Variants in ERC2 observed in about 807,000 individuals in gnomAD.
ERC2 encodes ELKS/RAB6-interacting/CAST family member 2.
ERC2 carries 42 observed loss-of-function variants against 114.8 expected under a neutral mutation model. That is an observed-to-expected ratio of 0.37 (90% CI 0.29 to 0.47). The LOEUF (loss-of-function observed/expected upper bound fraction) is 0.47, where lower values mean the gene tolerates loss of function less well. Among genes scored for constraint, ERC2 ranks in the 20% least tolerant of loss-of-function variants. ERC2 has a pLI of 0.99. For missense variants in ERC2, 939 were observed against 1,150.7 expected (o/e 0.82, Z 2.66); for synonymous variants, 454 against 425.5 (o/e 1.07, Z -0.82).
At position 55,699,521 on chromosome 3, in the gene ERC2, A is replaced by G. The variant is rs540148562; in HGVS notation, c.2713-9T>C. 6 of 1,591,414 alleles carry G rather than the reference A, an allele frequency of 3.8e-6. No individual in the cohort carries two copies. The South Asian group carries it at 5.6e-5, about 15-fold the overall frequency. On this transcript the variant is annotated splice_polypyrimidine_tract_variant and intron_variant, in intron 15 of 17. Transcript: ENST00000288221. ...TTCATTCTGTTCTGGGTCTGTGCAG[A>G]ACAAAAACCAAGGAAGATTCCATCA...
intron 4 of ERC2, among the ~76,000 whole-genome samples, chr3:56,155,403 T>C (rs1575612101): frequency 6.6e-6 from 1 of 151,678 alleles, no homozygotes; most frequent in Admixed American, 6.6e-5. Flanking sequence ...TGACTGGATG[T>C]GGCCTTCTTT....
chr3:56,043,795 C>A (rs1034186492), intron 7 of ERC2, among the ~76,000 whole-genome samples: 2 of 152,086 alleles, frequency 1.3e-5, no homozygotes, highest in Admixed American at 1.3e-4. Flanking sequence ...ATCTACAATT[C>A]AATTGCAACT....
intron 14 of ERC2, among the ~76,000 whole-genome samples, chr3:55,782,693 G>T (rs2069153335): frequency 6.6e-6 from 1 of 152,174 alleles, no homozygotes; most frequent in Admixed American, 6.5e-5. Context: ...ACCATGAACA[G>T]GGTGTTAAGC....
chr3:56,339,852 T>C (rs2058015990), intron 2 of ERC2, among the ~76,000 whole-genome samples: 1 of 152,158 alleles, frequency 6.6e-6, no homozygotes, highest in South Asian at 2.1e-4. Context: ...GATCTAATCC[T>C]GCTCTCCCAC....
At chr3:56,142,836 G>GC (rs2080937025) in intron 5 of ERC2, among the ~76,000 whole-genome samples, 1 of 143,012 alleles carries the variant, frequency 7.0e-6, no homozygotes, top group Non-Finnish European at 1.5e-5. Context: ...CTGTGTACTA[G>GC]TTTTTTTTTT....
At chr3:55,761,196 T>C (rs1262067996) in intron 14 of ERC2, among the ~76,000 whole-genome samples, 1 of 152,240 alleles carries the variant, frequency 6.6e-6, no homozygotes, top group Non-Finnish European at 1.5e-5. Flanking sequence ...TTATTACTAC[T>C]GGAGCTCAGG....
At chr3:56,295,042 C>T (rs866692888) in intron 3 of ERC2, among the ~76,000 whole-genome samples, 1 of 152,196 alleles carries the variant, frequency 6.6e-6, no homozygotes, top group African/African-American at 2.4e-5. Context: ...CAAATCCCAA[C>T]ATGGAAGCCA....
intron 1 of ERC2, among the ~76,000 whole-genome samples, chr3:56,445,904 C>T (rs979339617): frequency 2.0e-5 from 3 of 147,618 alleles, no homozygotes; most frequent in African/African-American, 7.4e-5. Context: ...AAGCGTAATG[C>T]TTTTTTTTTT....
chr3:55,716,482 A>G (rs1197703630), intron 15 of ERC2, among the ~76,000 whole-genome samples: 2 of 152,254 alleles, frequency 1.3e-5, no homozygotes, highest in East Asian at 1.9e-4. Flanking sequence ...CCAAATGGTC[A>G]AAGTTAAGCC....
chr3:55,915,682 G>A (rs1302128744), intron 13 of ERC2, among the ~76,000 whole-genome samples: 4 of 152,108 alleles, frequency 2.6e-5, no homozygotes, highest in Non-Finnish European at 5.9e-5. Context: ...TGAAGGATTG[G>A]AAGCAAGATA....
At chr3:55,553,097 C>T (rs1167913922) in intron 17 of ERC2, among the ~76,000 whole-genome samples, 1 of 135,658 alleles carries the variant, frequency 7.4e-6, no homozygotes, top group Non-Finnish European at 1.5e-5. Context: ...TCTCGGCTCA[C>T]TGCAGCCTCC....
intron 3 of ERC2, among the ~76,000 whole-genome samples, chr3:56,242,450 A>G (rs1156342708): frequency 6.7e-6 from 1 of 150,226 alleles, no homozygotes; most frequent in Non-Finnish European, 1.5e-5. Context: ...CTGTTCCCCC[A>G]AAACTATTGA....
intron 3 of ERC2, among the ~76,000 whole-genome samples, chr3:56,210,131 T>C (rs2048969912): frequency 6.6e-6 from 1 of 152,212 alleles, no homozygotes; most frequent in Admixed American, 6.5e-5. Context: ...ACAATAGTTC[T>C]CTTTTGTGCA....
chr3:56,395,720 A>C (rs1375495554), intron 2 of ERC2, among the ~76,000 whole-genome samples: 5 of 152,194 alleles, frequency 3.3e-5, no homozygotes. Flanking sequence ...GTTTCCTGTG[A>C]AGCCTGCAGA....
intron 14 of ERC2, among the ~76,000 whole-genome samples, chr3:55,736,196 G>T (rs2065622866): frequency 6.6e-6 from 1 of 152,120 alleles, no homozygotes; most frequent in Non-Finnish European, 1.5e-5. Flanking sequence ...AAGATCCATT[G>T]CATCACTCTT....
chr3:55,672,927 A>T (rs1576058118), intron 17 of ERC2, among the ~76,000 whole-genome samples: 1 of 152,176 alleles, frequency 6.6e-6, no homozygotes, highest in Admixed American at 6.5e-5. Context: ...CTCCATCAGC[A>T]TGTTGGTGCA....
intron 17 of ERC2, among the ~76,000 whole-genome samples, chr3:55,581,776 G>A (rs186437091): frequency 2.0e-4 from 30 of 152,220 alleles, no homozygotes; most frequent in African/African-American, 4.8e-4. Context: ...CATTGACTTC[G>A]CATGGAGCAA....
At chr3:55,858,348 G>A (rs2061877962) in intron 14 of ERC2, among the ~76,000 whole-genome samples, 4 of 152,120 alleles carry the variant, frequency 2.6e-5, no homozygotes, top group Admixed American at 2.6e-4. Context: ...AATTTACAAT[G>A]CTGGCAGGAG....
At chr3:55,776,406 T>G (rs1021444480) in intron 14 of ERC2, among the ~76,000 whole-genome samples, 12 of 152,094 alleles carry the variant, frequency 7.9e-5, no homozygotes, top group Admixed American at 7.2e-4. Context: ...GGAGCAGGTC[T>G]AAGTGAGAGA....
Sources: gnomAD v4.1 joint callset for allele counts (sites outside exome capture counted in the v4.1 genomes callset) on GRCh38, gnomAD v4.1.1 for gene constraint, MANE v1.5 for transcripts, NCBI Gene and HGNC (gene_info 2026-07-23, HGNC 2026-07-21) for gene names.